CFAP44: variants seen among roughly 807,000 people sequenced by gnomAD.
The protein encoded by CFAP44 is cilia and flagella associated protein 44, also known as cilia- and flagella-associated protein 44.
CFAP44 carries 134 observed loss-of-function variants against 216.2 expected under a neutral mutation model. That is an observed-to-expected ratio of 0.62 (90% CI 0.54 to 0.72). CFAP44 has a LOEUF of 0.72. Among genes scored for constraint, CFAP44 ranks in the 30% least tolerant of loss-of-function variants. CFAP44 has a pLI of 0.00. For missense variants in CFAP44, 2,035 were observed against 2,182.1 expected, an observed-to-expected ratio of 0.93 and a Z score of 1.34; for synonymous variants, 700 against 727.6, an observed-to-expected ratio of 0.96 and a Z score of 0.61.
At chr3:113,324,352 CA>C (rs1016819034) in intron 28 of CFAP44, among the ~76,000 whole-genome samples, 1 of 151,884 alleles carries the variant, frequency 6.6e-6, no homozygotes, top group Non-Finnish European at 1.5e-5. Context: ...TGAATATAGA[CA>C]AAAAATTTCT....
Position 113,363,156 on chromosome 3 carries a change from A to C in CFAP44, c.2923T>G (p.Phe975Val). The change falls in exon 21 of 35, where the codon TTT becomes GTT. Residue 975 changes from phenylalanine (F) to valine (V), a missense_variant. Physicochemically the swap from Phe to Val is conservative, Grantham distance 50 (BLOSUM62 -1). Transcript: ENST00000393845. The part of the protein sequence containing the change: ...MNEKLPKHMQ[F>V]KRTDFDVDSQ... ...TATATTAGGCTTACTGTTCGTTTAA[A>C]CTGCATATGCTTTGGTAATTTTTCA... 6.3e-7 allele frequency: 1 copy of C among 1,598,314 alleles called. No individual in the cohort carries two copies. The highest frequency in any genetic ancestry group is 2.3e-5 in the East Asian group (1 of 44,426).
At chr3:113,306,049 C>G (rs1285406614) in intron 30 of CFAP44, among the ~76,000 whole-genome samples, 152 bp downstream of exon 30, 1 of 151,962 alleles carries the variant, frequency 6.6e-6, no homozygotes, top group Non-Finnish European at 1.5e-5. Flanking sequence ...TGTCCCCCAC[C>G]ACAATTTAGG....
At chr3:113,433,691 G>A in intron 1 of CFAP44, 22 bp from the exon 2 acceptor site, 1 of 1,549,870 alleles carries the variant, frequency 6.5e-7, no homozygotes. Flanking sequence ...AAATGGGGAT[G>A]AGATATGGAT....
At chr3:113,427,140 G>T in intron 3 of CFAP44, 47 bp downstream of exon 3, 1 of 1,576,580 alleles carries the variant, frequency 6.3e-7, no homozygotes, top group Non-Finnish European at 8.6e-7. Context: ...TCTGGGCTTT[G>T]TCTCTAAAAC....
In CFAP44 at chr3:113,296,865, G is replaced by T. The variant is rs1289494968; in HGVS notation, c.5098C>A (p.Gln1700Lys). Residue 1700 changes from glutamine to lysine, a missense_variant, in exon 33 of 35, where the codon CAG becomes AAG. Transcript: ENST00000393845. ...TIHKMEETVR[Q>K]LMISKFGRVV... is the part of the protein sequence containing the mutation. ...CGGCCAAACTTGCTGATCATGAGCT[G>T]CCGGACTGTTTCCTCCATTTCTAAA... 1 of 1,537,300 alleles carries T rather than the reference G, an allele frequency of 6.5e-7. No homozygotes were observed. The highest frequency in any genetic ancestry group is 1.2e-5 in the South Asian group (1 of 84,062).
At chr3:113,301,008 CT>C (rs1279159939) in intron 32 of CFAP44, among the ~76,000 whole-genome samples, 1 of 151,970 alleles carries the variant, frequency 6.6e-6, no homozygotes, top group Admixed American at 6.6e-5. Context: ...GTATGAAACC[CT>C]TATATTTTTA....
Position 113,407,038 on chromosome 3 carries a change from G to T in CFAP44, c.894C>A (p.Phe298Leu). The stretch of plus-strand genomic sequence containing the variant: ...CGGTGAACGTAAAAGCCATTTCCCA[G>T]AACCTACAAACAAGAAAGAGACTGA... ...LTTSGSGHIKFWEMAFTFTGL... is the reference protein window; with the variant it reads ...LTTSGSGHIKLWEMAFTFTGL... The change falls in exon 8 of 35, where the codon TTC becomes TTA. Residue 298 changes from phenylalanine (F) to leucine (L), a missense_variant. This residue lies in a region of CFAP44 where 1,883 missense variants were observed against 2,023.7 expected (regional missense o/e 0.93). Transcript: ENST00000393845. 1 of 1,613,182 alleles carries T rather than the reference G, an allele frequency of 6.2e-7. No individual in the cohort carries two copies. The highest frequency in any genetic ancestry group is 1.7e-5 in the Admixed American group (1 of 59,984).
Position 113,287,106 on chromosome 3 carries a change from C to T in CFAP44, c.*4451G>A. 1 of 523,080 alleles carries T rather than the reference C, an allele frequency of 1.9e-6. No homozygotes were observed. Among genetic ancestry groups the T allele is most frequent in the Non-Finnish European group, 3.6e-6 (1 of 274,400 alleles). 32.4% of individuals were successfully genotyped at this position (523,080 alleles called of 1,614,324 possible). On this transcript the variant is annotated 3_prime_UTR_variant, in exon 35 of 35. Coordinates refer to ENST00000393845, the MANE Select transcript of CFAP44 (RefSeq NM_001164496.2). ...ACAGGAGTCACCCAGGAAAGCACCG[C>T]ACAGGCTGGCGCGGGACAGACTCCT...
At chr3:113,398,857 T>C (rs7653186) in intron 13 of CFAP44, among the ~76,000 whole-genome samples, 63,184 of 152,028 alleles carry the variant, frequency 0.42, 13,473 homozygotes, top group East Asian at 0.52. Flanking sequence ...GGGCCTCCCA[T>C]GGACAGATGG....
At chr3:113,310,398 G>C (rs1950026761) in intron 28 of CFAP44, among the ~76,000 whole-genome samples, 1 of 152,168 alleles carries the variant, frequency 6.6e-6, no homozygotes, top group African/African-American at 2.4e-5. Context: ...GTATCAAAGA[G>C]GCCCCCTATC....
At chr3:113,316,397 A>T (rs1950087145) in intron 28 of CFAP44, among the ~76,000 whole-genome samples, 1 of 152,230 alleles carries the variant, frequency 6.6e-6, no homozygotes, top group Non-Finnish European at 1.5e-5. Context: ...AGTATAAAAT[A>T]AACCAAAAGC....
At chr3:113,413,474 G>A (rs1934549918) in intron 6 of CFAP44, among the ~76,000 whole-genome samples, 1 of 152,072 alleles carries the variant, frequency 6.6e-6, no homozygotes, top group South Asian at 2.1e-4. Flanking sequence ...TATTGCCTAG[G>A]TTTTCTTCTA....
At chr3:113,316,685 A>T (rs933279204) in intron 28 of CFAP44, among the ~76,000 whole-genome samples, 3 of 152,138 alleles carry the variant, frequency 2.0e-5, no homozygotes, top group Non-Finnish European at 4.4e-5. Context: ...CCTGGCCAAC[A>T]CTGTGAAACC....
At position 113,400,585 on chromosome 3, in the gene CFAP44, A is replaced by C. The variant is rs780789774; in HGVS notation, c.1434T>G (p.Val478=). The change falls in exon 12 of 35, where the codon GTT becomes GTG. Residue 478 remains valine, a synonymous_variant. Transcript: ENST00000393845. ...FHSGAIEAVA[V]SPLTYLMATT... ...TGGCCATGAGATAAGTGAGAGGAGA[A>C]ACAGCCACGGCTTCAATAGCTCCAG... The C allele has an allele frequency of 1.9e-6, 3 of 1,611,014 alleles. No individual in the cohort carries two copies. The highest frequency in any genetic ancestry group is 2.5e-6 in the Non-Finnish European group (3 of 1,178,436).
At chr3:113,411,255 C>T (rs1934461131) in intron 6 of CFAP44, among the ~76,000 whole-genome samples, 1 of 152,184 alleles carries the variant, frequency 6.6e-6, no homozygotes. Context: ...CCTAGGTTCT[C>T]TTCTAGGGTT....
chr3:113,393,719 T>C (rs781154881), intron 15 of CFAP44, among the ~76,000 whole-genome samples: 1 of 152,210 alleles, frequency 6.6e-6, no homozygotes, highest in Non-Finnish European at 1.5e-5. Context: ...TTTCACTATG[T>C]TGCCCAAGCT....
At chr3:113,371,942 G>A (rs534423434) in intron 18 of CFAP44, among the ~76,000 whole-genome samples, 2 of 152,272 alleles carry the variant, frequency 1.3e-5, no homozygotes, top group Non-Finnish European at 2.9e-5. Flanking sequence ...CTTCTCAATA[G>A]AAGACATTTA....
At chr3:113,326,735 A>C in intron 27 of CFAP44, 95 bp from the exon 28 acceptor site, 1 of 693,660 alleles carries the variant, frequency 1.4e-6, no homozygotes, top group Non-Finnish European at 2.1e-6. Context: ...CAGTTTACAA[A>C]TATATTTTTT....
At chr3:113,303,771 T>C in intron 32 of CFAP44, 145 bp downstream of exon 32, 2 of 836,660 alleles carry the variant, frequency 2.4e-6, no homozygotes, top group Admixed American at 2.9e-5. Context: ...AAACGGTGAG[T>C]AGGAAGATGT....
Sources: gnomAD v4.1 joint callset for allele counts (sites outside exome capture counted in the v4.1 genomes callset) on GRCh38, gnomAD v4.1.1 for gene constraint, gnomAD v4.1.1 regional missense constraint, MANE v1.5 for transcripts, NCBI Gene and HGNC (gene_info 2026-07-23, HGNC 2026-07-21) for gene names.